The following CDYL variants were observed in gnomAD, a reference collection of about 807,000 sequenced individuals.
The protein encoded by CDYL is chromodomain Y-like protein.
A neutral mutation model predicts 47.3 loss-of-function variants in CDYL; 8 were observed. The ratio of observed to expected loss-of-function variants is 0.17; its 90% CI spans 0.10 to 0.31. The LOEUF is 0.31. CDYL is among the 10% of genes least tolerant of loss of function. The pLI, the probability that CDYL is intolerant of heterozygous loss-of-function variation, is 1.00. For missense variants in CDYL, 471 were observed against 701.4 expected (o/e 0.67, Z 3.71); for synonymous variants, 266 against 265.0 (o/e 1.00, Z -0.04).
chr6:4,905,144 C>T (rs544414691), intron 2 of CDYL, among the ~76,000 whole-genome samples: 1 of 152,172 alleles, frequency 6.6e-6, no homozygotes, highest in East Asian at 1.9e-4. Context: ...TCACAGTGAC[C>T]GTGTGTCCGT....
intron 3 of CDYL, among the ~76,000 whole-genome samples, chr6:4,758,370 A>ATATATATATATATATATC (rs140149693): frequency 2.2e-5 from 3 of 137,812 alleles, no homozygotes; most frequent in African/African-American, 8.6e-5. Flanking sequence ...ATATATATAT[A>ATATATATATATATATATC]TCTCTTTGTG....
intron 5 of CDYL, 61 bp from the exon 6 acceptor site, chr6:4,952,205 T>G: frequency 6.4e-7 from 1 of 1,564,534 alleles, no homozygotes; most frequent in Non-Finnish European, 8.7e-7. Flanking sequence ...TTTTAAGGGA[T>G]GGGTCTTCCC....
At chr6:4,861,219 G>A (rs576180841) in intron 1 of CDYL, among the ~76,000 whole-genome samples, 1 of 152,344 alleles carries the variant, frequency 6.6e-6, no homozygotes, top group African/African-American at 2.4e-5. Context: ...TGGCGTATAC[G>A]GTGATGCCTA....
At chr6:4,920,524 C>G (rs891951050) in intron 2 of CDYL, among the ~76,000 whole-genome samples, 1 of 152,210 alleles carries the variant, frequency 6.6e-6, no homozygotes, top group Admixed American at 6.5e-5. Context: ...GGCGCCGTTC[C>G]TGGAACAGCA....
chr6:4,942,231 G>T (rs1293094452), intron 4 of CDYL, among the ~76,000 whole-genome samples: 4 of 152,116 alleles, frequency 2.6e-5, no homozygotes, highest in Non-Finnish European at 5.9e-5. Context: ...AACCTTGGGG[G>T]CTAGGCTGAG....
intron 1 of CDYL, among the ~76,000 whole-genome samples, chr6:4,813,670 GTTA>G (rs1475567182): frequency 1.3e-5 from 2 of 152,146 alleles, no homozygotes; most frequent in African/African-American, 4.8e-5. Context: ...TTATCCGATT[GTTA>G]TTAGAATCTA....
chr6:4,715,826 G>A (rs757430942), exon 2 of CDYL: 1 of 1,614,160 alleles, frequency 6.2e-7, no homozygotes, highest in Admixed American at 1.7e-5. Flanking sequence ...AAAGCAGGAA[G>A]AAAAACTGGC....
At chr6:4,920,188 G>A (rs939954438) in intron 2 of CDYL, among the ~76,000 whole-genome samples, 1 of 152,184 alleles carries the variant, frequency 6.6e-6, no homozygotes, top group African/African-American at 2.4e-5. Context: ...GGGCGTGGGA[G>A]TGGAAAGTTG....
chr6:4,778,502 G>T (rs1229546140), intron 1 of CDYL, among the ~76,000 whole-genome samples: 1 of 152,128 alleles, frequency 6.6e-6, no homozygotes, highest in Non-Finnish European at 1.5e-5. Flanking sequence ...TACTAAGTTT[G>T]TGTTCATTTA....
At chr6:4,822,159 T>G (rs1317299837) in intron 1 of CDYL, among the ~76,000 whole-genome samples, 1 of 151,848 alleles carries the variant, frequency 6.6e-6, no homozygotes, top group Non-Finnish European at 1.5e-5. Flanking sequence ...TATTTTTTTT[T>G]TCTTTCTGTA....
intron 2 of CDYL, among the ~76,000 whole-genome samples, chr6:4,905,764 T>G (rs2127496943): frequency 6.6e-6 from 1 of 152,366 alleles, no homozygotes; most frequent in South Asian, 2.1e-4. Context: ...TCATTTTTTT[T>G]AGTTTTATTT....
intron 1 of CDYL, among the ~76,000 whole-genome samples, chr6:4,873,489 T>C (rs1388937452): frequency 6.6e-6 from 1 of 152,184 alleles, no homozygotes; most frequent in Non-Finnish European, 1.5e-5. Context: ...TGCTGTGGTA[T>C]TTGGTTTCCT....
chr6:4,801,987 C>T (rs938660078), intron 1 of CDYL, among the ~76,000 whole-genome samples: 5 of 152,156 alleles, frequency 3.3e-5, no homozygotes, highest in Non-Finnish European at 5.9e-5. Flanking sequence ...AGTGTCACCT[C>T]TATATTCTAG....
chr6:4,728,888 G>T (rs1757557830), intron 2 of CDYL, among the ~76,000 whole-genome samples: 1 of 152,076 alleles, frequency 6.6e-6, no homozygotes, highest in Non-Finnish European at 1.5e-5. Context: ...TTAACTATTT[G>T]CACAGTTCCA....
At chr6:4,857,614 GA>G (rs1464821468) in intron 1 of CDYL, among the ~76,000 whole-genome samples, 1 of 152,188 alleles carries the variant, frequency 6.6e-6, no homozygotes, top group African/African-American at 2.4e-5. Context: ...GGTGTGTGTG[GA>G]TGCTTTCTAA....
At chr6:4,863,370 A>T (rs368076157) in intron 1 of CDYL, among the ~76,000 whole-genome samples, 5 of 152,206 alleles carry the variant, frequency 3.3e-5, no homozygotes, top group African/African-American at 1.2e-4. Flanking sequence ...AATTATTTTT[A>T]AAAAGACTAC....
At chr6:4,940,250 T>G (rs1029950381) in intron 4 of CDYL, among the ~76,000 whole-genome samples, 5 of 152,276 alleles carry the variant, frequency 3.3e-5, no homozygotes, top group Admixed American at 3.3e-4. Context: ...CCAACTTGTT[T>G]CTTCTTTATG....
intron 2 of CDYL, chr6:4,734,672 G>C: frequency 6.4e-7 from 1 of 1,558,296 alleles, no homozygotes; most frequent in Non-Finnish European, 8.7e-7. Context: ...ACAGGGATGG[G>C]AAGTTGGGGG....
intron 2 of CDYL, among the ~76,000 whole-genome samples, chr6:4,896,853 C>T (rs1482709075): frequency 1.3e-5 from 2 of 152,142 alleles, no homozygotes; most frequent in African/African-American, 2.4e-5. Flanking sequence ...ATATTTTTGC[C>T]ACCAAAAACC....
Sources: gnomAD v4.1 joint callset for allele counts (sites outside exome capture counted in the v4.1 genomes callset) on GRCh38, gnomAD v4.1.1 for gene constraint, MANE v1.5 for transcripts, NCBI Gene and HGNC (gene_info 2026-07-23, HGNC 2026-07-21) for gene names.